NYAP2: variants seen among roughly 807,000 people sequenced by gnomAD.
The protein encoded by NYAP2 is neuronal tyrosine-phosphorylated phosphoinositide-3-kinase adaptor 2.
In NYAP2, 23 loss-of-function variants were observed where a neutral mutation model predicts 50.4. That is an observed-to-expected ratio of 0.46 (90% CI 0.33 to 0.65). The LOEUF is 0.65. Among genes scored for constraint, NYAP2 ranks in the 30% least tolerant of loss-of-function variants. The pLI, the probability that NYAP2 is intolerant of heterozygous loss-of-function variation, is 0.02. For synonymous variants in NYAP2, 394 were observed against 365.2 expected, an observed-to-expected ratio of 1.08 and a Z score of -0.90; for missense variants, 885 against 861.0, an observed-to-expected ratio of 1.03 and a Z score of -0.35.
intron 3 of NYAP2, among the ~76,000 whole-genome samples, chr2:225,451,425 C>CT (rs924340596): frequency 6.6e-6 from 1 of 151,908 alleles, no homozygotes; most frequent in Non-Finnish European, 1.5e-5. Flanking sequence ...TTCATTGCAG[C>CT]TAAAAAAACA....
the NYAP2 span, chr2:225,700,003 T>C: frequency 6.6e-6 from 1 of 151,836 alleles, no homozygotes; most frequent in Non-Finnish European, 1.5e-5. Flanking sequence ...AGAGAAAAGA[T>C]GTGTTTTTGA....
chr2:225,476,876 A>G (rs1690117325), intron 3 of NYAP2, among the ~76,000 whole-genome samples: 1 of 152,216 alleles, frequency 6.6e-6, no homozygotes. Context: ...TGTTTTTAAT[A>G]TAATTTATTT....
chr2:225,452,070 C>T (rs565677524), intron 3 of NYAP2, among the ~76,000 whole-genome samples: 3 of 152,172 alleles, frequency 2.0e-5, no homozygotes, highest in African/African-American at 7.2e-5. Context: ...ACACCAATTA[C>T]CAGGAAGAAT....
chr2:225,637,290 G>A (rs1693436864), intron 6 of NYAP2, among the ~76,000 whole-genome samples: 1 of 152,104 alleles, frequency 6.6e-6, no homozygotes, highest in South Asian at 2.1e-4. Flanking sequence ...TTTTTGTTAC[G>A]CAACAGGAAC....
At chr2:225,561,618 G>A (rs1318372874) in intron 4 of NYAP2, among the ~76,000 whole-genome samples, 2 of 152,014 alleles carry the variant, frequency 1.3e-5, no homozygotes, top group African/African-American at 4.8e-5. Context: ...AGCATTCCAG[G>A]GGAGGAAACA....
At chr2:225,467,976 CA>C (rs1689948340) in intron 3 of NYAP2, among the ~76,000 whole-genome samples, 1 of 151,790 alleles carries the variant, frequency 6.6e-6, no homozygotes, top group South Asian at 2.1e-4. Context: ...TATGAGAGTT[CA>C]AAAAAGGGTG....
At chr2:225,457,982 T>C (rs567387119) in intron 3 of NYAP2, among the ~76,000 whole-genome samples, 1 of 152,258 alleles carries the variant, frequency 6.6e-6, no homozygotes, top group East Asian at 1.9e-4. Context: ...GGCAACTAAT[T>C]TTTTGGGCTT....
chr2:225,703,141 T>C, the NYAP2 span: 1 of 151,752 alleles, frequency 6.6e-6, no homozygotes, highest in Non-Finnish European at 1.5e-5. Flanking sequence ...AGCAGTTGTA[T>C]GTTTACTTTC....
rs532544334 is a variant in NYAP2, at chr2:225,425,623, T to C, written c.221+16522T>C. On this transcript the variant is annotated intron_variant, in intron 3 of 6. Coordinates refer to ENST00000636099, the Ensembl canonical transcript of NYAP2. ...GTTTCTGTTTGAAAATGGACTTTTC[T>C]AAGAGACCTATCTAATATGTTTAAA... 5.3e-5 allele frequency among the ~76,000 whole-genome samples: 8 copies of C among 152,338 alleles called. No homozygotes were observed. The South Asian group carries it at 1.7e-3, about 32-fold the overall frequency.
At chr2:225,575,564 A>G (rs188959884) in intron 4 of NYAP2, among the ~76,000 whole-genome samples, 142 of 152,244 alleles carry the variant, frequency 9.3e-4, no homozygotes, top group Admixed American at 4.4e-3. Flanking sequence ...TTTCATTTTC[A>G]TTATTGATTC....
At chr2:225,463,939 T>C (rs1020361351) in intron 3 of NYAP2, among the ~76,000 whole-genome samples, 4 of 152,108 alleles carry the variant, frequency 2.6e-5, no homozygotes, top group African/African-American at 7.2e-5. Flanking sequence ...CTTAGAGCAG[T>C]TGTAGAGATT....
Position 225,582,873 on chromosome 2 carries a change from A to G in NYAP2, c.1456A>G (p.Lys486Glu), listed in dbSNP as rs1220720692. Residue 486 changes from lysine to glutamate, a missense_variant, in exon 5 of 7, where the codon AAG becomes GAG. Physicochemically the swap from Lys to Glu is moderately conservative, Grantham distance 56. Coordinates refer to ENST00000636099, the Ensembl canonical transcript of NYAP2. This position sits in a 1 kb window ranked among gnomAD's most constrained non-coding sequence, Gnocchi z 7.0. ...CAGACCCGTGTCGCAAGATGGGGCC[A>G]AGATGGTCAACGCCGCGGTGAACAC... 6.2e-7 allele frequency: 1 copy of G among 1,613,712 alleles called. No homozygotes were observed. Among genetic ancestry groups the G allele is most frequent in the Non-Finnish European group, 8.5e-7 (1 of 1,179,864 alleles).
the NYAP2 span, among the ~76,000 whole-genome samples, chr2:225,685,863 AT>A: frequency 6.6e-6 from 1 of 152,192 alleles, no homozygotes; most frequent in Non-Finnish European, 1.5e-5. Context: ...ACTTATGCTT[AT>A]TTTAGATATT....
intron 3 of NYAP2, among the ~76,000 whole-genome samples, chr2:225,486,406 A>C (rs1034302345): frequency 4.6e-5 from 7 of 152,146 alleles, no homozygotes; most frequent in African/African-American, 1.7e-4. Flanking sequence ...TGTAGGAGGT[A>C]AATGTTCTAA....
At chr2:225,651,171 A>G (rs1693724125) in intron 6 of NYAP2, among the ~76,000 whole-genome samples, 2 of 152,222 alleles carry the variant, frequency 1.3e-5, no homozygotes, top group East Asian at 1.9e-4. Flanking sequence ...CATAGAAACC[A>G]ACCCTAAGTG....
chr2:225,435,109 A>G (rs149189222), intron 3 of NYAP2, among the ~76,000 whole-genome samples: 36 of 152,264 alleles, frequency 2.4e-4, no homozygotes, highest in African/African-American at 7.7e-4. Flanking sequence ...TTTTATAAAC[A>G]TGATCTTTTG....
At chr2:225,594,448 C>T (rs969707611) in intron 5 of NYAP2, among the ~76,000 whole-genome samples, 6 of 151,954 alleles carry the variant, frequency 3.9e-5, no homozygotes, top group Admixed American at 6.6e-5. Context: ...CACTTAAACC[C>T]GGGGGCAGAG....
chr2:225,544,374 G>A (rs1045734694), intron 4 of NYAP2, among the ~76,000 whole-genome samples: 1 of 151,498 alleles, frequency 6.6e-6, no homozygotes, highest in Non-Finnish European at 1.5e-5. Flanking sequence ...TTTTAGTAAA[G>A]GTAATTTTCT....
At chr2:225,480,271 A>C (rs2106164589) in intron 3 of NYAP2, among the ~76,000 whole-genome samples, 1 of 152,242 alleles carries the variant, frequency 6.6e-6, no homozygotes, top group East Asian at 1.9e-4. Flanking sequence ...AAATTCTAGA[A>C]AGAAAAAAAT....
Sources: gnomAD v4.1 joint callset for allele counts (sites outside exome capture counted in the v4.1 genomes callset) on GRCh38, gnomAD v4.1.1 for gene constraint, Gnocchi (gnomAD v3.1) non-coding constraint, MANE v1.5 for transcripts, NCBI Gene and HGNC (gene_info 2026-07-23, HGNC 2026-07-21) for gene names.